Variants in COL20A1 observed in about 807,000 individuals in gnomAD.
COL20A1 encodes the protein collagen type XX alpha 1 chain, also known as collagen alpha-1(XX) chain.
Under a neutral mutation model 152.9 loss-of-function variants are expected in COL20A1, and 164 were observed. The ratio of observed to expected loss-of-function variants is 1.07; its 90% CI spans 0.94 to 1.22. COL20A1 has a LOEUF of 1.22. Ranked by LOEUF, COL20A1 falls within the 50% of genes most tolerant of loss-of-function variation. The probability of loss-of-function intolerance (pLI) is 0.00; values close to 1 mark genes in which losing one functional copy is unlikely to be tolerated. For synonymous variants in COL20A1, 864 were observed against 756.0 expected, an observed-to-expected ratio of 1.14 and a Z score of -2.34; for missense variants, 1,873 against 1,744.8, an observed-to-expected ratio of 1.07 and a Z score of -1.31.
chr20:63,314,282 C>A, intron 19 of COL20A1, 81 bp downstream of exon 19: 3 of 1,302,096 alleles, frequency 2.3e-6, no homozygotes, highest in Admixed American at 2.1e-5. Context: ...CAGCTCCAGA[C>A]TCATCCAACC....
chr20:63,299,702 G>A (rs1323921739), intron 3 of COL20A1, among the ~76,000 whole-genome samples: 1 of 152,092 alleles, frequency 6.6e-6, no homozygotes, highest in Admixed American at 6.6e-5. Flanking sequence ...TTTTTGTCAA[G>A]AGAATGCATT....
Position 63,312,697 on chromosome 20 carries a change from T to C in COL20A1, c.1934-95T>C, listed in dbSNP as rs952230560. On this transcript the variant is annotated intron_variant, in intron 15 of 35. Coordinates refer to ENST00000358894, the MANE Select transcript of COL20A1 (RefSeq NM_020882.4). ...TGGGCACCCGGACGGGTGTGATGGA[T>C]GGGGGTATAGGGTGCTCCTGGGTGT... The C allele has an allele frequency of 1.6e-5, 24 of 1,459,646 alleles. No individual in the cohort carries two copies. In the East Asian group the frequency reaches 4.0e-4, roughly 24 times the overall value. 90.4% of individuals were successfully genotyped at this position (1,459,646 alleles called of 1,614,324 possible). A position where few individuals can be genotyped will look rare whatever the true frequency, so the allele number is the denominator to read the frequency against.
At chr20:63,315,598 G>A (rs1016980578) in intron 20 of COL20A1, among the ~76,000 whole-genome samples, 159 bp downstream of exon 20, 1 of 152,248 alleles carries the variant, frequency 6.6e-6, no homozygotes, top group African/African-American at 2.4e-5. Flanking sequence ...GTGGCTGGCT[G>A]GGCGGTGGTT....
chr20:63,293,511 A>G (rs2067742154), intron 1 of COL20A1, among the ~76,000 whole-genome samples: 1 of 152,170 alleles, frequency 6.6e-6, no homozygotes, highest in South Asian at 2.1e-4. Flanking sequence ...TGGGGGTCTC[A>G]GACAACATCC....
Position 63,309,851 on chromosome 20 carries a change from C to T in COL20A1, c.1199C>T (p.Ala400Val), listed in dbSNP as rs377073867. Residue 400 changes from alanine to valine, a missense_variant, in exon 10 of 36, where the codon GCC (alanine) becomes GTC (valine). By Grantham distance (64) the Ala-to-Val change is moderately conservative. Transcript: ENST00000358894. Reference protein sequence around the residue: ...SSSIRLSWTPAPRHPLKYLIV... With the variant: ...SSSIRLSWTPVPRHPLKYLIV... Reference sequence around the variant, plus strand: ...AGCATCCGCCTGTCCTGGACTCCAGCCCCCCGGCACCCCCTCAAGTATCTG... The same window carrying T: ...AGCATCCGCCTGTCCTGGACTCCAGTCCCCCGGCACCCCCTCAAGTATCTG... The T allele has an allele frequency of 2.0e-5, 32 of 1,610,680 alleles. No homozygotes were observed. The highest frequency in any genetic ancestry group is 2.7e-5 in the African/African-American group (2 of 74,896).
In COL20A1 at chr20:63,311,114, T is replaced by C. The variant is rs1044985354; in HGVS notation, c.1394-280T>C. On this transcript the variant is annotated intron_variant, in intron 11 of 35. Transcript: ENST00000358894. This position sits in a 1 kb window ranked among gnomAD's most constrained non-coding sequence, Gnocchi z 4.4. ...TGGAATCACACAGTGCAGACTTTTGTGTCTGGGTGTTTCCCAAAGCCCTTT... is the reference window on the plus strand; with the variant it reads ...TGGAATCACACAGTGCAGACTTTTGCGTCTGGGTGTTTCCCAAAGCCCTTT... Among the ~76,000 whole-genome samples, 1 of 151,958 alleles carries C rather than the reference T, an allele frequency of 6.6e-6. No homozygotes were observed. The highest frequency in any genetic ancestry group is 1.5e-5 in the Non-Finnish European group (1 of 67,976).
intron 27 of COL20A1, among the ~76,000 whole-genome samples, chr20:63,322,350 T>A (rs2068176335): frequency 6.6e-6 from 1 of 152,022 alleles, no homozygotes; most frequent in Admixed American, 6.5e-5. Flanking sequence ...ATGGTGCAAG[T>A]CCCCTTTTCA....
intron 10 of COL20A1, 148 bp from the exon 11 acceptor site, chr20:63,310,233 T>C: frequency 1.2e-6 from 1 of 813,970 alleles, no homozygotes; most frequent in Non-Finnish European, 1.9e-6. Flanking sequence ...CACTGCTCTG[T>C]CGTAGGTACA....
rs1407460839 is a variant in COL20A1 at position 63,307,503 on chromosome 20, C to T, written c.510C>T (p.Phe170=). ...QDPRTPAGPQ[F]RCLPPVPADM... is the part of the protein sequence containing the mutation. Reference sequence around the variant, plus strand: ...CCACCGCCCCAGCCGGCCCCCAGTTCCGCTGCCTGCCCCCCGTGCCTGCTG... The same window carrying T: ...CCACCGCCCCAGCCGGCCCCCAGTTTCGCTGCCTGCCCCCCGTGCCTGCTG... Residue 170 remains phenylalanine, a synonymous_variant, in exon 6 of 36, where the codon TTC becomes TTT. Transcript: ENST00000358894. 6.2e-7 allele frequency: 1 copy of T among 1,611,834 alleles called. No individual in the cohort carries two copies.
At position 63,306,041 on chromosome 20, in the gene COL20A1, T is replaced by C; in HGVS notation, c.496+2T>C. 1 of 1,597,834 alleles carries C rather than the reference T, an allele frequency of 6.3e-7. No homozygotes were observed. On this transcript the variant is annotated splice_donor_variant, in intron 5 of 35. Transcript: ENST00000358894. LOFTEE classifies it high-confidence loss of function. The surrounding 1 kb of genome is among the most constrained non-coding windows in gnomAD (Gnocchi z 6.9). The stretch of plus-strand genomic sequence containing the variant: ...CAAGCCAGGATCCGCGCACTCCTGG[T>C]GGGTCAGAGTGGAGAGAGAGTAAGT...
rs539142446 is a variant in COL20A1 at position 63,327,753 on chromosome 20, A to G, written c.3529-199A>G. 38 of 606,002 alleles carry G rather than the reference A, an allele frequency of 6.3e-5. No homozygotes were observed. The South Asian group carries it at 7.5e-4, about 12-fold the overall frequency. 37.5% of individuals were successfully genotyped at this position (606,002 alleles called of 1,614,324 possible). A position where few individuals can be genotyped will look rare whatever the true frequency, so the allele number is the denominator to read the frequency against. ...CACTCAGGACTCTGCTGCAGAACCG[A>G]GCCTCTCACATGCCTGCTCTCGGGT... On this transcript the variant is annotated intron_variant, in intron 31 of 35. Coordinates refer to ENST00000358894, the MANE Select transcript of COL20A1 (RefSeq NM_020882.4).
At chr20:63,326,946 G>A in intron 31 of COL20A1, 123 bp downstream of exon 31, 2 of 616,366 alleles carry the variant, frequency 3.2e-6, no homozygotes. Flanking sequence ...GACCACCTAG[G>A]GACTTCCTGT....
chr20:63,323,035 G>T (rs2068188976), intron 27 of COL20A1, among the ~76,000 whole-genome samples: 1 of 152,214 alleles, frequency 6.6e-6, no homozygotes, highest in Non-Finnish European at 1.5e-5. Context: ...CGTGCGAGGC[G>T]CTCCCCCGCG....
rs1184722481 is a variant in COL20A1 at position 63,313,407 on chromosome 20, TC to T, written c.2209+160del. On this transcript the variant is annotated intron_variant, in intron 17 of 35. Transcript: ENST00000358894. This position sits in a 1 kb window ranked among gnomAD's most constrained non-coding sequence, Gnocchi z 5.9. ...CCTGGTCGTTGGAGTCTGCAGCACT[TC>T]CTTGAGCTCACACGGGTATAGGTGT... 1.3e-5 allele frequency among the ~76,000 whole-genome samples: 2 copies of T among 152,126 alleles called. No individual in the cohort carries two copies. Among genetic ancestry groups the T allele is most frequent in the Non-Finnish European group, 2.9e-5 (2 of 68,014 alleles).
Position 63,313,796 on chromosome 20 carries a change from G to A in COL20A1, c.2263G>A (p.Asp755Asn), listed in dbSNP as rs762131004. The A allele has an allele frequency of 1.9e-5, 31 of 1,610,386 alleles. No homozygotes were observed. The highest frequency in any genetic ancestry group is 1.1e-4 in the East Asian group (5 of 44,842). ...SNLALASETP[D>N]SLQVSWTPPL... ...CCTGGCCCTGGCCTCGGAGACCCCC[G>A]ACAGCCTGCAGGTCAGCTGGACGCC... Residue 755 changes from aspartate to asparagine, a missense_variant, in exon 18 of 36, where the codon GAC becomes AAC. Transcript: ENST00000358894. The surrounding 1 kb of genome is among the most constrained non-coding windows in gnomAD (Gnocchi z 5.9).
rs142385773 is a variant in COL20A1, at chr20:63,314,284, C to T, written c.2488+83C>T. On this transcript the variant is annotated intron_variant, in intron 19 of 35. Coordinates refer to ENST00000358894, the MANE Select transcript of COL20A1 (RefSeq NM_020882.4). ...CCCCAGACCCTGCCAGCTCCAGACT[C>T]ATCCAACCCCAGACCCAGCCAACCC... The T allele has an allele frequency of 2.3e-5, 29 of 1,277,820 alleles. No individual in the cohort carries two copies. The African/African-American group carries it at 2.5e-4, about 11-fold the overall frequency. 79.2% of individuals were successfully genotyped at this position (1,277,820 alleles called of 1,614,324 possible). A position where few individuals can be genotyped will look rare whatever the true frequency, so the allele number is the denominator to read the frequency against.
chr20:63,298,072 C>G, intron 3 of COL20A1, 52 bp downstream of exon 3: 1 of 1,322,432 alleles, frequency 7.6e-7, no homozygotes, highest in East Asian at 2.3e-5. Context: ...GTGCCGAGGA[C>G]AGTCAGTGTG....
chr20:63,312,724 G>T, intron 15 of COL20A1, 68 bp from the exon 16 acceptor site: 2 of 1,480,644 alleles, frequency 1.4e-6, no homozygotes, highest in East Asian at 2.4e-5. Context: ...CCTGGGTGTG[G>T]CTGCCCCTCC....
At chr20:63,299,396 G>A (rs183659072) in intron 3 of COL20A1, among the ~76,000 whole-genome samples, 1 of 152,346 alleles carries the variant, frequency 6.6e-6, no homozygotes, top group African/African-American at 2.4e-5. Flanking sequence ...ACCAACGCTT[G>A]GCAGCCTGAC....
Sources: allele counts gnomAD v4.1 joint callset (sites outside exome capture counted in the v4.1 genomes callset), GRCh38; gene constraint gnomAD v4.1.1; non-coding constraint Gnocchi (gnomAD v3.1); transcripts MANE v1.5; gene names NCBI Gene and HGNC (gene_info 2026-07-23, HGNC 2026-07-21).